Variants in MAST3 observed in about 807,000 individuals in gnomAD.
The protein encoded by MAST3 is microtubule-associated serine/threonine-protein kinase 3.
MAST3 carries 43 observed loss-of-function variants against 127.0 expected under a neutral mutation model. That is an observed-to-expected ratio of 0.34 (90% CI 0.27 to 0.44). The LOEUF is 0.44. Ranked by LOEUF, MAST3 falls within the 20% of genes least tolerant of loss-of-function variation. MAST3 has a pLI of 1.00. For missense variants in MAST3, 1,390 were observed against 1,919.1 expected (o/e 0.72, Z 5.15); for synonymous variants, 785 against 809.2 (o/e 0.97, Z 0.51).
intron 15 of MAST3, among the ~76,000 whole-genome samples, chr19:18,133,114 C>T (rs994584887): frequency 6.7e-5 from 10 of 148,502 alleles, no homozygotes; most frequent in Non-Finnish European, 1.3e-4. Flanking sequence ...AAAAAAAAAG[C>T]GCCTCGCATG....
rs1273836660 is a variant in MAST3, at chr19:18,149,501, G to A, written c.3819G>A (p.Gly1273=). 1.3e-6 allele frequency: 2 copies of A among 1,547,294 alleles called. No homozygotes were observed. Among genetic ancestry groups the A allele is most frequent in the Middle Eastern group, 1.7e-4 (1 of 5,762 alleles). ...DKLGTGERLD[G]EAGRRTRGPE... is the part of the protein sequence containing the mutation. The stretch of plus-strand genomic sequence containing the variant: ...TGGGCACAGGGGAGCGGCTGGATGG[G>A]GAGGCGGGGCGGCGCACTCGTGGGC... Residue 1273 remains glycine, a synonymous_variant, in exon 28 of 28, where the codon GGG becomes GGA. Coordinates refer to ENST00000687212, the MANE Select transcript of MAST3 (RefSeq NM_001393504.1). The surrounding 1 kb of genome is among the most constrained non-coding windows in gnomAD (Gnocchi z 5.9).
In MAST3 at chr19:18,122,762, C is replaced by T. The variant is rs1350136725; in HGVS notation, c.399+11C>T. On this transcript the variant is annotated intron_variant, in intron 6 of 27. Coordinates refer to ENST00000687212, the MANE Select transcript of MAST3 (RefSeq NM_001393504.1). ...AGCTCCACCCTCTCGGTACCCATAGCCCCACCTTGGCAGGTGGACAGGCAG... is the reference window on the plus strand; with the variant it reads ...AGCTCCACCCTCTCGGTACCCATAGTCCCACCTTGGCAGGTGGACAGGCAG... 6.2e-7 allele frequency: 1 copy of T among 1,611,960 alleles called. No individual in the cohort carries two copies. Among genetic ancestry groups the T allele is most frequent in the East Asian group, 2.2e-5 (1 of 44,830 alleles).
At chr19:18,126,609 TA>T (rs1243402921) in intron 11 of MAST3, among the ~76,000 whole-genome samples, 1 of 151,948 alleles carries the variant, frequency 6.6e-6, no homozygotes, top group East Asian at 1.9e-4. Context: ...TCGTCTCTAT[TA>T]AAAAAACAAT....
chr19:18,145,467 C>T lies in MAST3; in HGVS notation c.3039+238C>T, dbSNP rs548931761. On this transcript the variant is annotated intron_variant, in intron 24 of 27. Transcript: ENST00000687212. This position sits in a 1 kb window ranked among gnomAD's most constrained non-coding sequence, Gnocchi z 5.9. ...TTAACCTCCCAGCTCCATATGGGGACGCACTGGGCATGTTATCCTCCCTCT... is the reference window on the plus strand; with the variant it reads ...TTAACCTCCCAGCTCCATATGGGGATGCACTGGGCATGTTATCCTCCCTCT... 7.9e-5 allele frequency among the ~76,000 whole-genome samples: 12 copies of T among 152,304 alleles called. No homozygotes were observed. The highest frequency in any genetic ancestry group is 2.2e-4 in the African/African-American group (9 of 41,576).
Position 18,124,766 on chromosome 19 carries a change from C to A in MAST3, c.1070C>A (p.Pro357His). 6.3e-7 allele frequency: 1 copy of A among 1,595,348 alleles called. No individual in the cohort carries two copies. Among genetic ancestry groups the A allele is most frequent in the Non-Finnish European group, 8.5e-7 (1 of 1,170,486 alleles). The change falls in exon 11 of 28, where the codon CCC (proline) becomes CAC (histidine). Residue 357 changes from proline (P) to histidine (H), a missense_variant. By Grantham distance (77) the Pro-to-His change is moderately conservative. Transcript: ENST00000687212. ...IIGQLGLAKD[P>H]LEEMVPLSHL... ...GGGCAGCTGGGCCTGGCCAAGGACC[C>A]CCTGGAGGGTAAGCCGGGATGGGAA...
In MAST3 at chr19:18,139,056, G is replaced by C. The variant is rs777707144; in HGVS notation, c.2137G>C (p.Glu713Gln). The C allele has an allele frequency of 2.5e-6, 4 of 1,602,894 alleles. No individual in the cohort carries two copies. The African/African-American group carries it at 5.4e-5, about 21-fold the overall frequency. The change falls in exon 20 of 28, where the codon GAG becomes CAG. Residue 713 changes from glutamate (E) to glutamine (Q), a missense_variant. Coordinates refer to ENST00000687212, the MANE Select transcript of MAST3 (RefSeq NM_001393504.1). The stretch of plus-strand genomic sequence containing the variant: ...CCGCCATCTGGGCTCCGAGGACGAC[G>C]AGACCAATGATGAAGAATCGTCCAC... ...RYRHLGSEDD[E>Q]TNDEESSTEI...
At chr19:18,138,449 G>A (rs1405585541) in intron 19 of MAST3, among the ~76,000 whole-genome samples, 3 of 151,422 alleles carry the variant, frequency 2.0e-5, no homozygotes, top group Non-Finnish European at 4.4e-5. Flanking sequence ...CCGAGTAGTC[G>A]GGATTACAGG....
intron 1 of MAST3, among the ~76,000 whole-genome samples, chr19:18,101,236 G>A (rs988939063): frequency 6.6e-6 from 1 of 152,196 alleles, no homozygotes; most frequent in African/African-American, 2.4e-5. Context: ...AAGGGCTAGA[G>A]CCTGTATCTG....
At chr19:18,125,269 A>T (rs2040479324) in intron 11 of MAST3, among the ~76,000 whole-genome samples, 1 of 152,222 alleles carries the variant, frequency 6.6e-6, no homozygotes, top group Non-Finnish European at 1.5e-5. Flanking sequence ...CAGGGGCCTC[A>T]GTGTCCTCAA....
intron 7 of MAST3, 102 bp from the exon 8 acceptor site, chr19:18,123,478 A>G: frequency 6.8e-7 from 1 of 1,475,712 alleles, no homozygotes; most frequent in East Asian, 2.5e-5. Flanking sequence ...GCCTGAGCCT[A>G]GCCTCTGATT....
At chr19:18,115,885 C>G (rs1286365624) in intron 3 of MAST3, among the ~76,000 whole-genome samples, 18 of 152,224 alleles carry the variant, frequency 1.2e-4, no homozygotes, top group Admixed American at 1.2e-3. Flanking sequence ...CTTATGTGGT[C>G]AGCCCCGCTG....
intron 21 of MAST3, among the ~76,000 whole-genome samples, chr19:18,142,929 G>A (rs1273642565): frequency 1.3e-5 from 2 of 151,446 alleles, no homozygotes; most frequent in Admixed American, 6.6e-5. Context: ...TGGTCAACAT[G>A]GCAAAACCCC....
At chr19:18,120,526 G>A (rs1247761575) in intron 3 of MAST3, among the ~76,000 whole-genome samples, 1 of 152,098 alleles carries the variant, frequency 6.6e-6, no homozygotes, top group African/African-American at 2.4e-5. Context: ...ACTGCCAATA[G>A]TTTGTGTTGG....
At chr19:18,100,853 A>C (rs1312986222) in intron 1 of MAST3, among the ~76,000 whole-genome samples, 1 of 152,228 alleles carries the variant, frequency 6.6e-6, no homozygotes, top group Non-Finnish European at 1.5e-5. Context: ...TGGAGGCCAA[A>C]GGCCAAAGAG....
intron 26 of MAST3, among the ~76,000 whole-genome samples, 186 bp downstream of exon 26, chr19:18,147,230 A>C (rs2043126277): frequency 6.7e-6 from 1 of 150,178 alleles, no homozygotes; most frequent in South Asian, 2.1e-4. Context: ...CAGCCCCCTA[A>C]GTAACTGGGA....
At chr19:18,122,915 G>A (rs1252346861) in intron 6 of MAST3, among the ~76,000 whole-genome samples, 164 bp downstream of exon 6, 3 of 152,220 alleles carry the variant, frequency 2.0e-5, no homozygotes, top group Non-Finnish European at 2.9e-5. Flanking sequence ...GGTCCCCTGA[G>A]AAGACCCAGC....
rs1164803413 is a variant in MAST3 at position 18,150,363 on chromosome 19, C to T, written c.*637C>T. The T allele has an allele frequency of 6.6e-6, 1 of 152,370 alleles. No individual in the cohort carries two copies. The highest frequency in any genetic ancestry group is 1.5e-5 in the Non-Finnish European group (1 of 68,148). 9.4% of individuals were successfully genotyped at this position (152,370 alleles called of 1,614,324 possible). Reference sequence around the variant, plus strand: ...GGCTGCCAGGTCTTGCCCCAGGCACCTGGGACTCTGTTTGCAGGCCCTGCC... The same window carrying T: ...GGCTGCCAGGTCTTGCCCCAGGCACTTGGGACTCTGTTTGCAGGCCCTGCC... On this transcript the variant is annotated 3_prime_UTR_variant, in exon 28 of 28. Transcript: ENST00000687212.
chr19:18,123,004 C>G (rs936167213), intron 6 of MAST3, among the ~76,000 whole-genome samples: 9 of 152,190 alleles, frequency 5.9e-5, no homozygotes, highest in Non-Finnish European at 1.3e-4. Flanking sequence ...CAGAGGGGGA[C>G]TTGGGGCTGC....
chr19:18,147,656 C>T, intron 27 of MAST3, 32 bp downstream of exon 27: 1 of 1,456,638 alleles, frequency 6.9e-7, no homozygotes, highest in Non-Finnish European at 9.2e-7. Context: ...ACCACCCCGG[C>T]TACCCTGGGA....
Sources: gnomAD v4.1 joint callset for allele counts (sites outside exome capture counted in the v4.1 genomes callset) on GRCh38, gnomAD v4.1.1 for gene constraint, Gnocchi (gnomAD v3.1) non-coding constraint, MANE v1.5 for transcripts, NCBI Gene and HGNC (gene_info 2026-07-23, HGNC 2026-07-21) for gene names.